The following DPP10 variants were observed in gnomAD, a reference collection of about 807,000 sequenced individuals.
DPP10 encodes the protein inactive dipeptidyl peptidase 10.
A neutral mutation model predicts 120.9 loss-of-function variants in DPP10; 33 were observed. The ratio of observed to expected loss-of-function variants is 0.27; its 90% CI spans 0.21 to 0.37. The LOEUF (loss-of-function observed/expected upper bound fraction) is 0.37. DPP10 is among the 10% of genes least tolerant of loss of function. The pLI is 1.00. For missense variants in DPP10, 816 were observed against 942.8 expected, an observed-to-expected ratio of 0.87 and a Z score of 1.76; for synonymous variants, 337 against 326.1, an observed-to-expected ratio of 1.03 and a Z score of -0.36.
At chr2:114,814,727 T>A (rs1042885281) in intron 1 of DPP10, among the ~76,000 whole-genome samples, 1 of 152,164 alleles carries the variant, frequency 6.6e-6, no homozygotes, top group Non-Finnish European at 1.5e-5. Flanking sequence ...ACGTTCAGCA[T>A]TGTGTCAAGA....
intron 1 of DPP10, among the ~76,000 whole-genome samples, chr2:115,128,319 C>G (rs560661292): frequency 6.6e-6 from 1 of 152,250 alleles, no homozygotes; most frequent in South Asian, 2.1e-4. Flanking sequence ...TTTGTTGATG[C>G]ATCAAAATAC....
intron 1 of DPP10, among the ~76,000 whole-genome samples, chr2:115,242,933 T>C (rs2058356671): frequency 2.0e-5 from 3 of 152,192 alleles, no homozygotes; most frequent in African/African-American, 7.2e-5. Context: ...AAATTTATAT[T>C]AGTATTGCTT....
At chr2:114,442,877 C>T (rs760717547) in intron 1 of DPP10, 39 bp downstream of exon 1, 2 of 1,608,960 alleles carry the variant, frequency 1.2e-6, no homozygotes, top group East Asian at 2.2e-5. Flanking sequence ...GCACATGTGT[C>T]TTCATTCATC....
chr2:114,692,453 T>C (rs1699818764), intron 1 of DPP10, among the ~76,000 whole-genome samples: 2 of 152,060 alleles, frequency 1.3e-5, no homozygotes, highest in Non-Finnish European at 2.9e-5. Context: ...AGAGACTGTT[T>C]GTTATGATTT....
chr2:115,672,393 G>T (rs2089942024), intron 5 of DPP10, among the ~76,000 whole-genome samples: 1 of 151,888 alleles, frequency 6.6e-6, no homozygotes, highest in South Asian at 2.1e-4. Context: ...CCCATTTCAT[G>T]TAAATCATTT....
intron 3 of DPP10, among the ~76,000 whole-genome samples, chr2:115,417,920 G>T (rs1167680402): frequency 6.8e-6 from 1 of 146,460 alleles, no homozygotes; most frequent in Non-Finnish European, 1.5e-5. Context: ...ATTACCTCCA[G>T]AATAATAGTT....
intron 1 of DPP10, among the ~76,000 whole-genome samples, chr2:115,192,410 C>A (rs529468871): frequency 6.6e-6 from 1 of 152,184 alleles, no homozygotes; most frequent in Non-Finnish European, 1.5e-5. Flanking sequence ...AACCATTTGG[C>A]CAGGGTATAA....
chr2:115,312,610 G>A (rs1289004854), intron 2 of DPP10, among the ~76,000 whole-genome samples: 1 of 152,068 alleles, frequency 6.6e-6, no homozygotes, highest in Non-Finnish European at 1.5e-5. Context: ...TACGTCTGTG[G>A]TCAGCCTGCA....
intron 2 of DPP10, among the ~76,000 whole-genome samples, chr2:115,317,075 G>A (rs2061830424): frequency 6.6e-6 from 1 of 152,078 alleles, no homozygotes; most frequent in Non-Finnish European, 1.5e-5. Context: ...AGCTGGGCAA[G>A]AGAGCATGAC....
intron 1 of DPP10, among the ~76,000 whole-genome samples, chr2:114,743,809 G>A (rs570680691): frequency 3.6e-4 from 55 of 151,918 alleles, no homozygotes; most frequent in Non-Finnish European, 4.7e-4. Flanking sequence ...TGCTTAATAC[G>A]TGTTAGCTAT....
chr2:114,708,796 C>T (rs959406083), intron 1 of DPP10, among the ~76,000 whole-genome samples: 2 of 152,066 alleles, frequency 1.3e-5, no homozygotes, highest in Non-Finnish European at 2.9e-5. Flanking sequence ...CACTCTGTTG[C>T]CCAGGCTAGA....
intron 1 of DPP10, among the ~76,000 whole-genome samples, chr2:115,038,618 T>C (rs1376266931): frequency 1.3e-5 from 2 of 152,148 alleles, no homozygotes; most frequent in Non-Finnish European, 2.9e-5. Flanking sequence ...GCCAGGGATT[T>C]AGATAGTATT....
At chr2:115,804,440 C>T (rs1356543371) in intron 19 of DPP10, among the ~76,000 whole-genome samples, 13 of 152,228 alleles carry the variant, frequency 8.5e-5, no homozygotes, top group Non-Finnish European at 1.5e-5. Context: ...TTGTCAAAGT[C>T]ATTCTCCATG....
chr2:114,540,429 G>T (rs537752175), intron 1 of DPP10, among the ~76,000 whole-genome samples: 1 of 152,214 alleles, frequency 6.6e-6, no homozygotes, highest in East Asian at 1.9e-4. Flanking sequence ...AAAAGGTTGG[G>T]TATAAGCTTG....
chr2:115,769,726 T>G (rs1157045490), intron 13 of DPP10, among the ~76,000 whole-genome samples: 1 of 151,954 alleles, frequency 6.6e-6, no homozygotes, highest in Non-Finnish European at 1.5e-5. Context: ...TTAAAATGAT[T>G]ATATAAGTCA....
intron 1 of DPP10, among the ~76,000 whole-genome samples, chr2:114,532,810 C>T (rs902946779): frequency 2.0e-5 from 3 of 152,140 alleles, no homozygotes; most frequent in Non-Finnish European, 4.4e-5. Flanking sequence ...GGATGAGTCT[C>T]CTCTAGGCAT....
intron 5 of DPP10, 48 bp from the exon 6 acceptor site, chr2:115,689,639 C>A: frequency 8.4e-7 from 1 of 1,190,626 alleles, no homozygotes; most frequent in South Asian, 1.5e-5. Context: ...TACATATATT[C>A]ACATTAAGAT....
At chr2:115,052,780 C>T (rs954116358) in intron 1 of DPP10, among the ~76,000 whole-genome samples, 1 of 151,944 alleles carries the variant, frequency 6.6e-6, no homozygotes, top group East Asian at 1.9e-4. Context: ...GGCGAAACCC[C>T]GTCTCTACTC....
intron 3 of DPP10, among the ~76,000 whole-genome samples, chr2:115,442,368 T>TGC (rs1329139225): frequency 2.1e-5 from 3 of 142,944 alleles, no homozygotes; most frequent in Admixed American, 6.7e-5. Flanking sequence ...TGTGTTTGTG[T>TGC]GTGTGTGTGT....
Sources: gnomAD v4.1 joint callset for allele counts (sites outside exome capture counted in the v4.1 genomes callset) on GRCh38, gnomAD v4.1.1 for gene constraint, MANE v1.5 for transcripts, NCBI Gene and HGNC (gene_info 2026-07-23, HGNC 2026-07-21) for gene names.